Variants in STARD9 observed in about 807,000 individuals in gnomAD.
STARD9 encodes the protein StAR related lipid transfer domain containing 9, also known as stAR-related lipid transfer protein 9.
STARD9 carries 346 observed loss-of-function variants against 399.8 expected under a neutral mutation model. The ratio of observed to expected loss-of-function variants is 0.87; its 90% confidence interval spans 0.79 to 0.95. The LOEUF is 0.95. STARD9 is among the 40% of genes least tolerant of loss of function. The probability of loss-of-function intolerance (pLI) is 0.00; values close to 1 mark genes in which losing one functional copy is unlikely to be tolerated. For missense variants in STARD9, 5,832 were observed against 5,667.5 expected (o/e 1.03, Z -0.93); for synonymous variants, 2,203 against 2,143.5 (o/e 1.03, Z -0.77).
At chr15:42,606,601 G>A (rs2058727937) in intron 3 of STARD9, among the ~76,000 whole-genome samples, 1 of 150,846 alleles carries the variant, frequency 6.6e-6, no homozygotes, top group South Asian at 2.1e-4. Context: ...GAACACAGGT[G>A]CGCACCACCA....
rs112745231 is a variant in STARD9 at position 42,690,510 on chromosome 15, A to G, written c.8932A>G (p.Arg2978Gly). ...CCATTCCTCTACTTTACTGTGTTTT[A>G]GAGATGGTGACCTAGGGAAGGAGCC... ...SSHSSTLLCF[R>G]DGDLGKEPFK... The change falls in exon 23 of 33, where the codon AGA (arginine) becomes GGA (glycine). Residue 2978 changes from arginine to glycine, a missense_variant. Arg to Gly is a moderately radical substitution (Grantham distance 125). Transcript: ENST00000290607. 368 of 1,537,062 alleles carry G rather than the reference A, an allele frequency of 2.4e-4. No homozygotes were observed. The highest frequency in any genetic ancestry group is 5.0e-4 in the Middle Eastern group (3 of 6,012).
At position 42,688,194 on chromosome 15, in the gene STARD9, T is replaced by A. The variant is rs752508644; in HGVS notation, c.6616T>A (p.Leu2206Met). The A allele has an allele frequency of 1.3e-6, 2 of 1,537,272 alleles. No homozygotes were observed. The highest frequency in any genetic ancestry group is 2.7e-5 in the African/African-American group (2 of 73,042). Reference sequence around the variant, plus strand: ...TCTTCACCCACAGAGAATGAAAGCATTGGCTAGAGCTCTGCCATTGCAACC... The same window carrying A: ...TCTTCACCCACAGAGAATGAAAGCAATGGCTAGAGCTCTGCCATTGCAACC... ...TSLHPQRMKA[L>M]ARALPLQPRL... The change falls in exon 23 of 33, where the codon TTG becomes ATG. Residue 2206 changes from leucine to methionine, a missense_variant. Coordinates refer to ENST00000290607, the MANE Select transcript of STARD9 (RefSeq NM_020759.3).
intron 9 of STARD9, among the ~76,000 whole-genome samples, chr15:42,658,290 TGTGTG>T (rs2059917561): frequency 5.9e-5 from 1 of 16,984 alleles, no homozygotes; most frequent in South Asian, 1.1e-3. Context: ...GACTTACAGG[TGTGTG>T]TGTGTGTGTG....
chr15:42,631,922 T>C (rs2059340230), intron 3 of STARD9, among the ~76,000 whole-genome samples: 2 of 152,194 alleles, frequency 1.3e-5, no homozygotes, highest in Admixed American at 1.3e-4. Flanking sequence ...CTGCAGCCAT[T>C]GGATGAAATG....
chr15:42,626,735 C>A (rs1457122335), intron 3 of STARD9, among the ~76,000 whole-genome samples: 1 of 151,324 alleles, frequency 6.6e-6, no homozygotes, highest in African/African-American at 2.4e-5. Context: ...TGGTCTCGAA[C>A]TCCTGACCCC....
chr15:42,696,492 A>T (rs946571563), intron 26 of STARD9, among the ~76,000 whole-genome samples: 3 of 152,184 alleles, frequency 2.0e-5, no homozygotes, highest in Non-Finnish European at 4.4e-5. Context: ...GTGGACTATA[A>T]TGAGAGTTCT....
chr15:42,676,779 T>G (rs1003825638), intron 20 of STARD9, among the ~76,000 whole-genome samples: 1 of 152,174 alleles, frequency 6.6e-6, no homozygotes, highest in African/African-American at 2.4e-5. Context: ...GCCTGTGACA[T>G]CACTGGTGTT....
At chr15:42,641,559 C>T (rs536778274) in intron 7 of STARD9, among the ~76,000 whole-genome samples, 1 of 148,308 alleles carries the variant, frequency 6.7e-6, no homozygotes, top group African/African-American at 2.5e-5. Flanking sequence ...CTTCCTGTGT[C>T]CAAGTGTTCT....
Position 42,691,012 on chromosome 15 carries a change from A to G in STARD9, c.9434A>G (p.Asp3145Gly), listed in dbSNP as rs1180472940. The G allele has an allele frequency of 6.5e-7, 1 of 1,537,210 alleles. No homozygotes were observed. Among genetic ancestry groups the G allele is most frequent in the South Asian group, 1.2e-5 (1 of 84,058 alleles). The change falls in exon 23 of 33, where the codon GAT becomes GGT. Residue 3145 changes from aspartate to glycine, a missense_variant. Physicochemically the swap from Asp to Gly is moderately conservative, Grantham distance 94. Coordinates refer to ENST00000290607, the MANE Select transcript of STARD9 (RefSeq NM_020759.3). ...ACAACTCAGGGACCACACACCCTGG[A>G]TTTAAGTGAAGGGTCTGCTGAGAGC... ...PATTQGPHTL[D>G]LSEGSAESKL...
chr15:42,698,942 A>G (rs1487230667), intron 26 of STARD9, among the ~76,000 whole-genome samples: 1 of 151,820 alleles, frequency 6.6e-6, no homozygotes, highest in African/African-American at 2.4e-5. Flanking sequence ...AATAGATTCT[A>G]CCCTGCGGTA....
intron 3 of STARD9, among the ~76,000 whole-genome samples, chr15:42,591,081 G>C (rs1048521283): frequency 6.6e-6 from 1 of 152,204 alleles, no homozygotes; most frequent in Non-Finnish European, 1.5e-5. Flanking sequence ...TTGACATTTT[G>C]ACCATATAAT....
intron 26 of STARD9, among the ~76,000 whole-genome samples, chr15:42,702,403 T>G (rs2060986895): frequency 6.6e-6 from 1 of 151,990 alleles, no homozygotes. Context: ...GGGGTTTCGC[T>G]ATGTTGGCCA....
At chr15:42,664,031 C>A in intron 13 of STARD9, 114 bp downstream of exon 13, 1 of 689,446 alleles carries the variant, frequency 1.5e-6, no homozygotes, top group Non-Finnish European at 2.5e-6. Context: ...CAGACTTGTC[C>A]TCCAGATGAT....
intron 26 of STARD9, among the ~76,000 whole-genome samples, chr15:42,711,928 G>A (rs1464989572): frequency 6.8e-6 from 1 of 146,608 alleles, no homozygotes; most frequent in Admixed American, 7.1e-5. Context: ...CAGTATATGA[G>A]CAGTGTGTTT....
chr15:42,628,455 T>A (rs980626550), intron 3 of STARD9, among the ~76,000 whole-genome samples: 10 of 152,216 alleles, frequency 6.6e-5, no homozygotes, highest in Non-Finnish European at 1.3e-4. Context: ...TCATCCATTT[T>A]TGCTTTAGTT....
At chr15:42,675,023 A>G (rs1190865553) in intron 18 of STARD9, 59 bp downstream of exon 18, 9 of 1,443,246 alleles carry the variant, frequency 6.2e-6, no homozygotes, top group Admixed American at 2.6e-5. Context: ...CTCCAGTTTC[A>G]TGGGCCCAAA....
intron 7 of STARD9, among the ~76,000 whole-genome samples, chr15:42,645,252 C>T (rs1002208641): frequency 6.6e-6 from 1 of 152,158 alleles, no homozygotes; most frequent in African/African-American, 2.4e-5. Flanking sequence ...ACAACTATAG[C>T]TTTATGAAAT....
At chr15:42,590,355 T>A (rs534299621) in intron 3 of STARD9, among the ~76,000 whole-genome samples, 1 of 152,274 alleles carries the variant, frequency 6.6e-6, no homozygotes, top group South Asian at 2.1e-4. Flanking sequence ...ACAGTGTGTC[T>A]TTCATCCCTA....
chr15:42,624,436 G>C (rs967720080), intron 3 of STARD9, among the ~76,000 whole-genome samples: 3 of 151,602 alleles, frequency 2.0e-5, no homozygotes, highest in African/African-American at 7.3e-5. Context: ...AGGAACATTA[G>C]ATATATTATC....
Sources: allele counts gnomAD v4.1 joint callset (sites outside exome capture counted in the v4.1 genomes callset), GRCh38; gene constraint gnomAD v4.1.1; transcripts MANE v1.5; gene names NCBI Gene and HGNC (gene_info 2026-07-23, HGNC 2026-07-21).